The following KLF17 variants were observed in gnomAD, a reference collection of about 807,000 sequenced individuals.
The protein encoded by KLF17 is Krueppel-like factor 17.
In KLF17, 31 loss-of-function variants were observed where a neutral mutation model predicts 34.2. That is an observed-to-expected ratio of 0.91 (90% CI 0.68 to 1.22). KLF17 has a LOEUF of 1.22. Ranked by LOEUF, KLF17 falls within the 50% of genes most tolerant of loss-of-function variation. The pLI is 0.00. For synonymous variants in KLF17, 179 were observed against 186.7 expected (o/e 0.96, Z 0.34); for missense variants, 478 against 505.2 (o/e 0.95, Z 0.52).
At chr1:44,120,497 C>G (rs565742291) in intron 1 of KLF17, among the ~76,000 whole-genome samples, 76 of 152,238 alleles carry the variant, frequency 5.0e-4, no homozygotes, top group Non-Finnish European at 8.5e-4. Context: ...GGCCAGTGGT[C>G]GTATAAGCTC....
chr1:44,066,187 G>T, the KLF17 span, among the ~76,000 whole-genome samples: 2 of 152,014 alleles, frequency 1.3e-5, no homozygotes, highest in East Asian at 3.9e-4. Context: ...AGGCATAGTG[G>T]TATGAACCTG....
chr1:44,129,176 G>C (rs1295545327), intron 1 of KLF17, among the ~76,000 whole-genome samples, 177 bp from the exon 2 acceptor site: 1 of 152,106 alleles, frequency 6.6e-6, no homozygotes, highest in Admixed American at 6.6e-5. Context: ...CTTCCGTGGG[G>C]CTTGTATCAG....
chr1:44,132,736 C>A (rs2088126151), intron 3 of KLF17, among the ~76,000 whole-genome samples: 1 of 152,204 alleles, frequency 6.6e-6, no homozygotes, highest in South Asian at 2.1e-4. Flanking sequence ...CTCCTCCCAC[C>A]TTCCTTAGGT....
At chr1:44,112,335 C>A in the KLF17 span, among the ~76,000 whole-genome samples, 3,646 of 152,308 alleles carry the variant, frequency 0.024, 65 homozygotes, top group Non-Finnish European at 0.035. Context: ...CATCTCCCAC[C>A]AAACCTCCAG....
chr1:44,073,206 C>CTTT, the KLF17 span, among the ~76,000 whole-genome samples: 6 of 109,532 alleles, frequency 5.5e-5, no homozygotes, highest in East Asian at 3.2e-4. Context: ...TCTTCTTCTT[C>CTTT]TTCTTTTTTT....
chr1:44,116,619 G>T (rs2087881711), upstream of KLF17, among the ~76,000 whole-genome samples: 1 of 152,110 alleles, frequency 6.6e-6, no homozygotes, highest in Non-Finnish European at 1.5e-5. Context: ...CCTTTCTACT[G>T]CACTTGGTTT....
At position 44,129,980 on chromosome 1, in the gene KLF17, G is replaced by C; in HGVS notation, c.709G>C (p.Asp237His). 1 of 1,614,132 alleles carries C rather than the reference G, an allele frequency of 6.2e-7. No homozygotes were observed. Among genetic ancestry groups the C allele is most frequent in the Non-Finnish European group, 8.5e-7 (1 of 1,180,022 alleles). The change falls in exon 2 of 4, where the codon GAC becomes CAC. Residue 237 changes from aspartate (D) to histidine (H), a missense_variant. Asp to His is a moderately conservative substitution (Grantham distance 81). Transcript: ENST00000372299. The stretch of plus-strand genomic sequence containing the variant: ...GTCATTGCTGGTTTTAGGATCTCAG[G>C]ACTCTCTTGTCAGTCAGCCAGACTC... ...SQSLLVLGSQ[D>H]SLVSQPDSQE...
chr1:44,103,620 A>C, the KLF17 span: 1 of 1,609,400 alleles, frequency 6.2e-7, no homozygotes, highest in Non-Finnish European at 8.5e-7. Context: ...CTCGATCTCG[A>C]TGTCCAGGGC....
the KLF17 span, among the ~76,000 whole-genome samples, chr1:44,086,468 AAAAT>A: frequency 0.47 from 70,087 of 148,208 alleles, 17,005 homozygotes; most frequent in Middle Eastern, 0.61. Context: ...CTCCATCTCA[AAAAT>A]AAATAAATAA....
At chr1:44,091,635 C>CAAAAAAA in the KLF17 span, among the ~76,000 whole-genome samples, 3 of 79,034 alleles carry the variant, frequency 3.8e-5, no homozygotes, top group Non-Finnish European at 7.4e-5. Context: ...GACTCCATCT[C>CAAAAAAA]AAAAAAAAAA....
chr1:44,130,834 T>C, intron 3 of KLF17, 78 bp downstream of exon 3: 2 of 1,438,752 alleles, frequency 1.4e-6, no homozygotes, highest in Admixed American at 3.8e-5. Flanking sequence ...TCTCACTCTG[T>C]CTCCCAGGCT....
At position 44,129,727 on chromosome 1, in the gene KLF17, G is replaced by A. The variant is rs112819362; in HGVS notation, c.456G>A (p.Arg152=). 7 of 1,614,126 alleles carry A rather than the reference G, an allele frequency of 4.3e-6. No individual in the cohort carries two copies. The highest frequency in any genetic ancestry group is 5.9e-6 in the Non-Finnish European group (7 of 1,180,028). ...CCAGGCCCTTCGGTGGGAATCTAAGGATGCCCCCCAATGGGCTGCCAGTCT... is the reference window on the plus strand; with the variant it reads ...CCAGGCCCTTCGGTGGGAATCTAAGAATGCCCCCCAATGGGCTGCCAGTCT... The part of the protein sequence containing the change: ...RVARPFGGNL[R]MPPNGLPVSA... The change falls in exon 2 of 4, where the codon AGG becomes AGA. Residue 152 remains arginine (R), a synonymous_variant. Coordinates refer to ENST00000372299, the MANE Select transcript of KLF17 (RefSeq NM_173484.4).
At chr1:44,104,600 G>A in the KLF17 span, 2 of 591,844 alleles carry the variant, frequency 3.4e-6, no homozygotes, top group East Asian at 6.7e-5. Flanking sequence ...CATGCCGCTG[G>A]TCCCACCATA....
At chr1:44,092,523 A>C in the KLF17 span, among the ~76,000 whole-genome samples, 1 of 152,212 alleles carries the variant, frequency 6.6e-6, no homozygotes, top group Admixed American at 6.6e-5. Flanking sequence ...ATTTCCCCCC[A>C]AAAGAAAAAT....
rs1324704005 is a variant in KLF17 at position 44,130,739 on chromosome 1, C to T, written c.1153C>T (p.Pro385Ser). The T allele has an allele frequency of 6.2e-7, 1 of 1,613,958 alleles. No homozygotes were observed. ...NNNNGEQDSP[P>S]AAGP ...CAACAATGGAGAGCAGGACAGTCCT[C>T]CTGCTGCTGGTCCTTAGGTCAGTCT... The change falls in exon 3 of 4, where the codon CCT becomes TCT. Residue 385 changes from proline to serine, a missense_variant. Pro to Ser is a moderately conservative substitution (Grantham distance 74). Coordinates refer to ENST00000372299, the MANE Select transcript of KLF17 (RefSeq NM_173484.4).
chr1:44,122,570 C>T (rs1434429161), intron 1 of KLF17: 2 of 761,320 alleles, frequency 2.6e-6, no homozygotes, highest in Non-Finnish European at 4.8e-6. Context: ...CAACCGAATA[C>T]TGACCGACTG....
chr1:44,109,165 A>G, the KLF17 span, among the ~76,000 whole-genome samples: 1 of 152,188 alleles, frequency 6.6e-6, no homozygotes, highest in African/African-American at 2.4e-5. Context: ...AAATGAGAAA[A>G]GCCTTAAATC....
intron 1 of KLF17, among the ~76,000 whole-genome samples, chr1:44,127,770 CTTTCTTTCTTCTCTTT>C (rs2088044314): frequency 7.8e-6 from 1 of 128,674 alleles, no homozygotes; most frequent in Non-Finnish European, 1.7e-5. Context: ...TTCTTCTCTT[CTTTCTTTCTTCTCTTT>C]TCTTTCTTTT....
the KLF17 span, among the ~76,000 whole-genome samples, chr1:44,090,306 C>CAAAAAAAAAAAAAA: frequency 1.7e-3 from 39 of 23,414 alleles, 5 homozygotes; most frequent in Non-Finnish European, 2.0e-3. Flanking sequence ...CTTGTCTCTA[C>CAAAAAAAAAAAAAA]AAAAAAAAAA....
Sources: gnomAD v4.1 joint callset for allele counts (sites outside exome capture counted in the v4.1 genomes callset) on GRCh38, gnomAD v4.1.1 for gene constraint, MANE v1.5 for transcripts, NCBI Gene and HGNC (gene_info 2026-07-23, HGNC 2026-07-21) for gene names.